DNAH17: variants seen among roughly 807,000 people sequenced by gnomAD.
The protein encoded by DNAH17 is axonemal beta dynein heavy chain 17.
Under a neutral mutation model 485.6 loss-of-function variants are expected in DNAH17, and 376 were observed. The observed-to-expected ratio is 0.77, with a 90% confidence interval of 0.71 to 0.84. The LOEUF is 0.84. Among genes scored for constraint, DNAH17 ranks in the 40% least tolerant of loss-of-function variants. DNAH17 has a pLI of 0.00. For missense variants in DNAH17, 6,370 were observed against 5,839.3 expected, an observed-to-expected ratio of 1.09 and a Z score of -2.96; for synonymous variants, 3,031 against 2,405.9, an observed-to-expected ratio of 1.26 and a Z score of -7.60.
intron 11 of DNAH17, among the ~76,000 whole-genome samples, chr17:78,564,542 G>A (rs2092229096): frequency 6.9e-6 from 1 of 144,048 alleles, no homozygotes; most frequent in African/African-American, 2.5e-5. Flanking sequence ...TGAAAGAATT[G>A]GCTCCATTGG....
rs568881320 is a variant in DNAH17 at position 78,459,066 on chromosome 17, C to T, written c.9796G>A (p.Glu3266Lys). 41 of 1,614,062 alleles carry T rather than the reference C, an allele frequency of 2.5e-5. 1 individual carries two copies. The South Asian group carries it at 4.0e-4, about 16-fold the overall frequency. Residue 3266 changes from glutamate to lysine, a missense_variant, in exon 61 of 81, where the codon GAG (glutamate) becomes AAG (lysine). By Grantham distance (56) the Glu-to-Lys change is moderately conservative. Transcript: ENST00000389840. ...CDVAPKRQAL[E>K]EANAELAEAQ... ...TCTGCCAGCTCTGCATTAGCCTCCT[C>T]CAGTGCCTGCCTCTTGGGCGCCACG...
At chr17:78,434,273 GA>G in intron 74 of DNAH17, 53 bp from the exon 75 acceptor site, 2 of 1,538,388 alleles carry the variant, frequency 1.3e-6, no homozygotes, top group Non-Finnish European at 8.8e-7. Context: ...AGTTTACACA[GA>G]AATGCCCCTG....
At chr17:78,453,194 C>G (rs1042897325) in intron 65 of DNAH17, 149 bp downstream of exon 65, 4 of 1,018,802 alleles carry the variant, frequency 3.9e-6, no homozygotes, top group Non-Finnish European at 5.6e-6. Flanking sequence ...GCTGGGGGTT[C>G]CTTCCCACCA....
chr17:78,458,185 T>C (rs1439326764), intron 62 of DNAH17, among the ~76,000 whole-genome samples: 2 of 152,218 alleles, frequency 1.3e-5, no homozygotes, highest in East Asian at 1.9e-4. Context: ...ATATCCCTAG[T>C]GGACGACGCT....
intron 54 of DNAH17, among the ~76,000 whole-genome samples, chr17:78,472,355 T>C (rs2088800662): frequency 1.3e-5 from 2 of 151,528 alleles, no homozygotes; most frequent in Non-Finnish European, 1.5e-5. Flanking sequence ...GGTTAGGATT[T>C]GGGAGTGGCG....
At chr17:78,527,320 G>A (rs1275812304) in intron 22 of DNAH17, among the ~76,000 whole-genome samples, 1 of 152,130 alleles carries the variant, frequency 6.6e-6, no homozygotes, top group Non-Finnish European at 1.5e-5. Context: ...TAGGAAGGCA[G>A]AGGCTACTGT....
At chr17:78,524,606 T>G (rs550853330) in intron 25 of DNAH17, among the ~76,000 whole-genome samples, 196 of 113,060 alleles carry the variant, frequency 1.7e-3, no homozygotes, top group African/African-American at 7.0e-3. Context: ...TCCAGAACGG[T>G]GAGGAATAAA....
rs115727849 is a variant in DNAH17 at position 78,571,040 on chromosome 17, G to A, written c.833-7C>T. On this transcript the variant is annotated splice_polypyrimidine_tract_variant and splice_region_variant and intron_variant, in intron 5 of 80. Transcript: ENST00000389840. ...TCGTTGGCTTCCTTCAGCCCTGCAC[G>A]GAACAAGAACAAGTGCCCACCGGTA... The A allele has an allele frequency of 1.1e-3, 1,748 of 1,565,098 alleles. 16 individuals carry two copies. In the African/African-American group the frequency reaches 0.017, roughly 15 times the overall value.
At chr17:78,444,489 A>T (rs1270881588) in intron 71 of DNAH17, 115 bp downstream of exon 71, 1 of 1,038,116 alleles carries the variant, frequency 9.6e-7, no homozygotes, top group Non-Finnish European at 1.3e-6. Flanking sequence ...TGGGGAGAAG[A>T]AAAAAGTTCA....
intron 25 of DNAH17, among the ~76,000 whole-genome samples, chr17:78,523,662 T>G (rs1213844531): frequency 6.6e-6 from 1 of 152,216 alleles, no homozygotes; most frequent in Non-Finnish European, 1.5e-5. Context: ...TACCAGCACT[T>G]TAGAAGGCTG....
intron 71 of DNAH17, among the ~76,000 whole-genome samples, chr17:78,441,680 T>C (rs1420176618): frequency 6.6e-6 from 1 of 152,186 alleles, no homozygotes; most frequent in East Asian, 1.9e-4. Flanking sequence ...AATCCTCCCA[T>C]GGAGGACCGA....
Position 78,570,340 on chromosome 17 carries a change from G to A in DNAH17, c.951C>T (p.Thr317=), listed in dbSNP as rs773598543. 4.3e-6 allele frequency: 7 copies of A among 1,610,282 alleles called. No homozygotes were observed. The Admixed American group carries it at 5.0e-5, about 12-fold the overall frequency. Residue 317 remains threonine, a synonymous_variant, in exon 7 of 81, where the codon ACC becomes ACT. Coordinates refer to ENST00000389840, the MANE Select transcript of DNAH17 (RefSeq NM_173628.4). ...CAGAGGTGGCCCAGATGAAGCAGATGGTGTCCAGCACCTTGGCAATGAAGG... is the reference window on the plus strand; with the variant it reads ...CAGAGGTGGCCCAGATGAAGCAGATAGTGTCCAGCACCTTGGCAATGAAGG... ...LPTFIAKVLD[T]ICFIWATSEY...
intron 25 of DNAH17, among the ~76,000 whole-genome samples, chr17:78,519,298 C>T (rs1264983269): frequency 6.6e-6 from 1 of 151,542 alleles, no homozygotes; most frequent in African/African-American, 2.4e-5. Flanking sequence ...ACGTGGGACG[C>T]AGCTAATGTA....
intron 76 of DNAH17, 57 bp from the exon 77 acceptor site, chr17:78,428,764 T>G: frequency 6.3e-7 from 1 of 1,591,524 alleles, no homozygotes; most frequent in Non-Finnish European, 8.6e-7. Flanking sequence ...GAAACCCATG[T>G]CCTGTTGGTT....
intron 35 of DNAH17, 193 bp from the exon 36 acceptor site, chr17:78,500,654 G>T (rs983078667): frequency 4.4e-6 from 2 of 451,658 alleles, no homozygotes; most frequent in African/African-American, 4.1e-5. Context: ...GACTATAGGC[G>T]CCCGCCACCA....
Position 78,543,077 on chromosome 17 carries a change from T to C in DNAH17, c.2532+780A>G, listed in dbSNP as rs370326516. Among the ~76,000 whole-genome samples the C allele has an allele frequency of 3.7e-4, 57 of 152,010 alleles. 1 individual carries two copies. Among genetic ancestry groups the C allele is most frequent in the African/African-American group, 1.2e-3 (50 of 41,452 alleles). ...GAAGTGTACAGCAAGGGTGGTCTACTACTTAAAGATAAGGCTCGCTTGGAT... is the reference window on the plus strand; with the variant it reads ...GAAGTGTACAGCAAGGGTGGTCTACCACTTAAAGATAAGGCTCGCTTGGAT... On this transcript the variant is annotated intron_variant, in intron 17 of 80. Coordinates refer to ENST00000389840, the MANE Select transcript of DNAH17 (RefSeq NM_173628.4).
At position 78,482,399 on chromosome 17, in the gene DNAH17, T is replaced by C. The variant is rs532408609; in HGVS notation, c.7650-1613A>G. ...TCTGTTAGTTTCTAGTAATTCCTTGTATATTTCAGATATTAATCCACTGTC... is the reference window on the plus strand; with the variant it reads ...TCTGTTAGTTTCTAGTAATTCCTTGCATATTTCAGATATTAATCCACTGTC... On this transcript the variant is annotated intron_variant, in intron 48 of 80. Coordinates refer to ENST00000389840, the MANE Select transcript of DNAH17 (RefSeq NM_173628.4). Among the ~76,000 whole-genome samples the C allele has an allele frequency of 2.6e-5, 4 of 152,374 alleles. No homozygotes were observed. In the South Asian group the frequency reaches 6.2e-4, roughly 24 times the overall value.
chr17:78,468,966 G>C, intron 54 of DNAH17, 83 bp from the exon 55 acceptor site: 3 of 1,493,430 alleles, frequency 2.0e-6, no homozygotes, highest in Non-Finnish European at 2.7e-6. Flanking sequence ...CCAGAGCACA[G>C]GGCCATTTTT....
intron 62 of DNAH17, among the ~76,000 whole-genome samples, chr17:78,457,908 A>G (rs912012659): frequency 2.0e-5 from 3 of 151,952 alleles, no homozygotes; most frequent in African/African-American, 4.8e-5. Flanking sequence ...TGATCCACCC[A>G]CCTTGGCCTC....
Sources: allele counts gnomAD v4.1 joint callset (sites outside exome capture counted in the v4.1 genomes callset), GRCh38; gene constraint gnomAD v4.1.1; transcripts MANE v1.5; gene names NCBI Gene and HGNC (gene_info 2026-07-23, HGNC 2026-07-21).